USP53: variants seen among roughly 807,000 people sequenced by gnomAD.
USP53 encodes the protein ubiquitin specific peptidase 53.
Under a neutral mutation model 94.9 loss-of-function variants are expected in USP53, and 71 were observed. That is an observed-to-expected ratio of 0.75 (90% CI 0.62 to 0.91). USP53 has a LOEUF of 0.91. Among genes scored for constraint, USP53 ranks in the 40% least tolerant of loss-of-function variants. USP53 has a pLI of 0.00. For missense variants in USP53, 1,173 were observed against 1,281.0 expected (o/e 0.92, Z 1.29); for synonymous variants, 375 against 422.7 (o/e 0.89, Z 1.39).
chr4:119,265,159 G>A (rs189183199), intron 12 of USP53, among the ~76,000 whole-genome samples: 1 of 151,942 alleles, frequency 6.6e-6, no homozygotes, highest in African/African-American at 2.4e-5. Flanking sequence ...AAGATTTTGG[G>A]GTGAGGATTA....
intron 13 of USP53, 28 bp downstream of exon 13, chr4:119,267,510 T>C (rs778890199): frequency 1.3e-6 from 2 of 1,594,902 alleles, no homozygotes; most frequent in Non-Finnish European, 1.7e-6. Context: ...AAATTCTCAA[T>C]GTTTTTCTAT....
chr4:119,259,124 T>C (rs895950006), intron 9 of USP53, among the ~76,000 whole-genome samples: 2 of 151,804 alleles, frequency 1.3e-5, no homozygotes, highest in Admixed American at 6.6e-5. Flanking sequence ...CTACTAGAAA[T>C]ACAAAAATTA....
In USP53 at chr4:119,260,562, T is replaced by G; in HGVS notation, c.731T>G (p.Ile244Ser). 1 of 1,614,008 alleles carries G rather than the reference T, an allele frequency of 6.2e-7. No homozygotes were observed. The highest frequency in any genetic ancestry group is 8.5e-7 in the Non-Finnish European group (1 of 1,179,946). The change falls in exon 11 of 19, where the codon ATT becomes AGT. Residue 244 changes from isoleucine (I) to serine (S), a missense_variant. Ile to Ser is a moderately radical substitution (Grantham distance 142, BLOSUM62 -2). Coordinates refer to ENST00000692078, the MANE Select transcript of USP53 (RefSeq NM_001371395.1). The stretch of plus-strand genomic sequence containing the variant: ...CGTGTTTTAATGAATTGCCCAGAGA[T>G]TGTTACAATTGGTTTAGTCTGGGAC... Reference protein sequence around the residue: ...IRRVLMNCPEIVTIGLVWDSE... With the variant: ...IRRVLMNCPESVTIGLVWDSE...
chr4:119,215,629 TC>T (rs1178401432), intron 2 of USP53, among the ~76,000 whole-genome samples: 2 of 152,164 alleles, frequency 1.3e-5, no homozygotes, highest in African/African-American at 4.8e-5. Context: ...TTTTTCTTTT[TC>T]TTTTTTTTAT....
At chr4:119,218,163 G>A (rs1177089313) in intron 3 of USP53, 1 of 152,178 alleles carries the variant, frequency 6.6e-6, no homozygotes, top group Non-Finnish European at 1.5e-5. Context: ...AGTCAAAGAT[G>A]ACATCAAGAT....
chr4:119,215,913 A>G (rs1050469275), intron 2 of USP53, among the ~76,000 whole-genome samples: 3 of 152,248 alleles, frequency 2.0e-5, no homozygotes, highest in Admixed American at 6.5e-5. Flanking sequence ...TAATTTGAAG[A>G]TAACATTAGT....
intron 3 of USP53, among the ~76,000 whole-genome samples, chr4:119,230,229 C>T (rs1745884363): frequency 6.6e-6 from 1 of 152,134 alleles, no homozygotes; most frequent in Admixed American, 6.5e-5. Flanking sequence ...ATATACACCT[C>T]CTTGCTCAAG....
chr4:119,266,299 G>GATA (rs1751116482), intron 12 of USP53: 1 of 456,190 alleles, frequency 2.2e-6, no homozygotes, highest in Admixed American at 2.3e-5. Context: ...GTTGCTGTTA[G>GATA]ATAATACCTT....
chr4:119,264,096 G>T (rs751251294), intron 12 of USP53, among the ~76,000 whole-genome samples: 1 of 152,074 alleles, frequency 6.6e-6, no homozygotes, highest in African/African-American at 2.4e-5. Context: ...TTAAAGTCTT[G>T]AAAGTTCAAA....
At chr4:119,215,850 A>G (rs2149251417) in intron 2 of USP53, among the ~76,000 whole-genome samples, 1 of 152,286 alleles carries the variant, frequency 6.6e-6, no homozygotes, top group East Asian at 1.9e-4. Flanking sequence ...CCAATATCTT[A>G]GCTATTTTTA....
At chr4:119,223,784 T>C (rs1744867415) in intron 3 of USP53, among the ~76,000 whole-genome samples, 1 of 152,200 alleles carries the variant, frequency 6.6e-6, no homozygotes, top group South Asian at 2.1e-4. Flanking sequence ...GCTCTACTAC[T>C]TACAGTCTCT....
intron 4 of USP53, among the ~76,000 whole-genome samples, chr4:119,238,903 A>G (rs1458306267): frequency 6.6e-6 from 1 of 152,198 alleles, no homozygotes; most frequent in Non-Finnish European, 1.5e-5. Flanking sequence ...ATAACAATAT[A>G]TTCTAGAGCA....
intron 3 of USP53, among the ~76,000 whole-genome samples, chr4:119,224,470 A>T (rs1744984119): frequency 6.6e-6 from 1 of 152,248 alleles, no homozygotes; most frequent in African/African-American, 2.4e-5. Context: ...AGCATGTATG[A>T]GGTTTAGAAT....
At position 119,293,596 on chromosome 4, in the gene USP53, T is replaced by C. The variant is rs182337189; in HGVS notation, c.*385T>C. ...TACAGTTGAATAAAAATTAAATTTG[T>C]CCCCCTATTTTGTGGCCAGTAGACT... On this transcript the variant is annotated 3_prime_UTR_variant, in exon 19 of 19. Coordinates refer to ENST00000692078, the MANE Select transcript of USP53 (RefSeq NM_001371395.1). 1.4e-4 allele frequency: 23 copies of C among 161,878 alleles called. No individual in the cohort carries two copies. The South Asian group carries it at 2.4e-3, about 17-fold the overall frequency. The allele number at this position is 161,878 out of a possible 1,614,324, so 10.0% of individuals were successfully genotyped here.
At chr4:119,223,582 C>T (rs1290169174) in intron 3 of USP53, among the ~76,000 whole-genome samples, 1 of 152,154 alleles carries the variant, frequency 6.6e-6, no homozygotes, top group Non-Finnish European at 1.5e-5. Flanking sequence ...AGTTAGAAAT[C>T]CCGACTAAGA....
Position 119,258,431 on chromosome 4 carries a change from C to T in USP53, c.570-1389C>T, listed in dbSNP as rs148413643. Among the ~76,000 whole-genome samples, 40 of 152,244 alleles carry T rather than the reference C, an allele frequency of 2.6e-4. No individual in the cohort carries two copies. In the East Asian group the frequency reaches 5.6e-3, roughly 21 times the overall value. ...ATATTACTGTTAAGTACAATCAGAA[C>T]ATCTAGAATGGAAACTAGTTAGTGT... On this transcript the variant is annotated intron_variant, in intron 9 of 18. Coordinates refer to ENST00000692078, the MANE Select transcript of USP53 (RefSeq NM_001371395.1).
chr4:119,276,261 G>T (rs1233739010), intron 17 of USP53, among the ~76,000 whole-genome samples: 3 of 145,434 alleles, frequency 2.1e-5, no homozygotes. Flanking sequence ...TTATTATTTT[G>T]AAATACGTCC....
At chr4:119,260,353 A>T in intron 10 of USP53, among the ~76,000 whole-genome samples, 154 bp from the exon 11 acceptor site, 1 of 142,954 alleles carries the variant, frequency 7.0e-6, no homozygotes, top group East Asian at 1.9e-4. Flanking sequence ...TTTTTTAATC[A>T]ATAATTAAGA....
chr4:119,224,335 A>G (rs1744966143), intron 3 of USP53, among the ~76,000 whole-genome samples: 1 of 152,208 alleles, frequency 6.6e-6, no homozygotes, highest in African/African-American at 2.4e-5. Flanking sequence ...TAAATGCTAC[A>G]TTAAGCCCAA....
Sources: gnomAD v4.1 joint callset for allele counts (sites outside exome capture counted in the v4.1 genomes callset) on GRCh38, gnomAD v4.1.1 for gene constraint, MANE v1.5 for transcripts, NCBI Gene and HGNC (gene_info 2026-07-23, HGNC 2026-07-21) for gene names.